CBX2: variants seen among roughly 807,000 people sequenced by gnomAD.
CBX2 encodes the protein chromobox 2.
Under a neutral mutation model 21.0 loss-of-function variants are expected in CBX2, and 11 were observed. That is an observed-to-expected ratio of 0.52 (90% CI 0.33 to 0.87). The LOEUF (loss-of-function observed/expected upper bound fraction) is 0.87, where lower values mean the gene tolerates loss of function less well. Among genes scored for constraint, CBX2 ranks in the 40% least tolerant of loss-of-function variants. The pLI, the probability that CBX2 is intolerant of heterozygous loss-of-function variation, is 0.02. For synonymous variants in CBX2, 364 were observed against 304.6 expected, an observed-to-expected ratio of 1.19 and a Z score of -2.03; for missense variants, 746 against 724.3, an observed-to-expected ratio of 1.03 and a Z score of -0.34.
At position 79,784,752 on chromosome 17, in the gene CBX2, C is replaced by T. The variant is rs1255121769; in HGVS notation, c.1309C>T (p.Pro437Ser). 6.2e-7 allele frequency: 1 copy of T among 1,611,078 alleles called. No individual in the cohort carries two copies. The highest frequency in any genetic ancestry group is 1.1e-5 in the South Asian group (1 of 90,810). The change falls in exon 5 of 5, where the codon CCC becomes TCC. Residue 437 changes from proline (P) to serine (S), a missense_variant. Pro to Ser is a moderately conservative substitution (Grantham distance 74). Coordinates refer to ENST00000310942, the MANE Select transcript of CBX2 (RefSeq NM_005189.3). The surrounding 1 kb of genome is among the most constrained non-coding windows in gnomAD (Gnocchi z 5.9). ...GGACTGTGTCAAGGGCAGTGCTACC[C>T]CCAGTGGGCAGGAGAGCCGCACAGC... ...KRDCVKGSAT[P>S]SGQESRTAPG...
chr17:79,784,433 C>A lies in CBX2; in HGVS notation c.990C>A (p.Thr330=). The A allele has an allele frequency of 6.2e-7, 1 of 1,612,046 alleles. No homozygotes were observed. Among genetic ancestry groups the A allele is most frequent in the Non-Finnish European group, 8.5e-7 (1 of 1,179,592 alleles). Residue 330 remains threonine (T), a synonymous_variant, in exon 5 of 5, where the codon ACC becomes ACA. Coordinates refer to ENST00000310942, the MANE Select transcript of CBX2 (RefSeq NM_005189.3). The surrounding 1 kb of genome is among the most constrained non-coding windows in gnomAD (Gnocchi z 5.9). The part of the protein sequence containing the change: ...KVGNTGGPPH[T]HGASRVPAGC... Reference sequence around the variant, plus strand: ...GGAACACAGGGGGCCCCCCGCACACCCATGGTGCCAGCAGGGTGCCTGCTG... The same window carrying A: ...GGAACACAGGGGGCCCCCCGCACACACATGGTGCCAGCAGGGTGCCTGCTG...
rs781967376 is a variant in CBX2, at chr17:79,784,468, G to A, written c.1025G>A (p.Gly342Asp). 1.9e-6 allele frequency: 3 copies of A among 1,612,320 alleles called. No individual in the cohort carries two copies. The highest frequency in any genetic ancestry group is 1.1e-5 in the South Asian group (1 of 91,054). ...AGCAGGGTGCCTGCTGGGTGCCCAG[G>A]CCCCCAGCCAGCACCCACCCAGGAG... ...GASRVPAGCP[G>D]PQPAPTQELS... The change falls in exon 5 of 5, where the codon GGC (glycine) becomes GAC (aspartate). Residue 342 changes from glycine to aspartate, a missense_variant. This residue lies in a region of CBX2 where 701 missense variants were observed against 650.7 expected (regional missense o/e 1.08). Coordinates refer to ENST00000310942, the MANE Select transcript of CBX2 (RefSeq NM_005189.3). The surrounding 1 kb of genome is among the most constrained non-coding windows in gnomAD (Gnocchi z 5.9).
At chr17:79,779,579 T>A in intron 3 of CBX2, 152 bp downstream of exon 3, 1 of 702,638 alleles carries the variant, frequency 1.4e-6, no homozygotes, top group Non-Finnish European at 2.5e-6. Context: ...TCTCTGTGGC[T>A]GGCTGTAAAA....
chr17:79,778,400 TG>T lies in CBX2; in HGVS notation c.91del (p.Val31SerfsTer98). On this transcript the variant is annotated frameshift_variant, in exon 2 of 5. Coordinates refer to ENST00000310942, the MANE Select transcript of CBX2 (RefSeq NM_005189.3). LOFTEE classifies it high-confidence loss of function. This position sits in a 1 kb window ranked among gnomAD's most constrained non-coding sequence, Gnocchi z 4.8. Reference sequence around the variant, plus strand: ...TCCCCGCAGGGCAAGCTGGAGTACCTGGTCAAGTGGCGCGGCTGGTCCTCCA... The same window carrying T: ...TCCCCGCAGGGCAAGCTGGAGTACCTGTCAAGTGGCGCGGCTGGTCCTCCA... ...KRLRKGKLEYLVKWRGWSSKH... is the reference protein window; with the variant it reads ...KRLRKGKLEYXVKWRGWSSKH... 2 of 1,575,516 alleles carry T rather than the reference TG, an allele frequency of 1.3e-6. No individual in the cohort carries two copies. Among genetic ancestry groups the T allele is most frequent in the African/African-American group, 1.4e-5 (1 of 72,440 alleles).
chr17:79,779,187 G>A (rs922316970), intron 2 of CBX2, among the ~76,000 whole-genome samples, 175 bp from the exon 3 acceptor site: 1 of 152,314 alleles, frequency 6.6e-6, no homozygotes, highest in African/African-American at 2.4e-5. Flanking sequence ...CTGGCTTGGT[G>A]GGGGGTGGCC....
intron 3 of CBX2, among the ~76,000 whole-genome samples, 167 bp from the exon 4 acceptor site, chr17:79,781,529 A>G (rs1246298408): frequency 2.6e-5 from 4 of 152,142 alleles, no homozygotes; most frequent in Non-Finnish European, 4.4e-5. Context: ...CCCTAGTGCA[A>G]AGAATGGGGT....
At chr17:79,780,819 G>A (rs1171170138) in intron 3 of CBX2, among the ~76,000 whole-genome samples, 2 of 152,178 alleles carry the variant, frequency 1.3e-5, no homozygotes, top group African/African-American at 2.4e-5. Flanking sequence ...CAGCGGAGGA[G>A]ATCCATGCAA....
At chr17:79,781,920 T>G (rs782152284) in intron 4 of CBX2, 119 bp downstream of exon 4, 4 of 1,614,032 alleles carry the variant, frequency 2.5e-6, no homozygotes, top group Non-Finnish European at 3.4e-6. Context: ...CAACAGTCTG[T>G]CCCTCTACTC....
rs1235261267 is a variant in CBX2, at chr17:79,784,876, G to A, written c.1433G>A (p.Ser478Asn). 2 of 1,613,250 alleles carry A rather than the reference G, an allele frequency of 1.2e-6. No individual in the cohort carries two copies. Among genetic ancestry groups the A allele is most frequent in the Non-Finnish European group, 1.7e-6 (2 of 1,180,040 alleles). ...GACCCCGACTCCGCCTCGCCGCCCA[G>A]CACTGGACAGAACCCGTCAGTGTCC... ...DSDPDSASPP[S>N]TGQNPSVSVQ... Residue 478 changes from serine (S) to asparagine (N), a missense_variant, in exon 5 of 5, where the codon AGC becomes AAC. Physicochemically the swap from Ser to Asn is conservative, Grantham distance 46 (BLOSUM62 1). Coordinates refer to ENST00000310942, the MANE Select transcript of CBX2 (RefSeq NM_005189.3). This position sits in a 1 kb window ranked among gnomAD's most constrained non-coding sequence, Gnocchi z 5.9.
At chr17:79,781,497 A>C (rs1907196935) in intron 3 of CBX2, among the ~76,000 whole-genome samples, 199 bp from the exon 4 acceptor site, 1 of 152,132 alleles carries the variant, frequency 6.6e-6, no homozygotes, top group African/African-American at 2.4e-5. Flanking sequence ...TAGCCAAATG[A>C]AATGGGATGG....
At chr17:79,777,969 C>T (rs1382386057), upstream of CBX2, among the ~76,000 whole-genome samples, 2 of 144,736 alleles carry the variant, frequency 1.4e-5, no homozygotes, top group South Asian at 2.1e-4. Context: ...GACCCCCCGC[C>T]GGAGCGCGAG....
rs574792848 is a variant in CBX2, at chr17:79,778,739, TC to T, written c.116+313del. Among the ~76,000 whole-genome samples the T allele has an allele frequency of 3.3e-5, 5 of 151,430 alleles. No homozygotes were observed. In the South Asian group the frequency reaches 1.0e-3, roughly 32 times the overall value. ...AGGCGCGGGATGCAAGCCCCCCTCC[TC>T]TTGGCCAGATTCTCCCCGCTGTAAC... On this transcript the variant is annotated intron_variant, in intron 2 of 4. Transcript: ENST00000310942. The surrounding 1 kb of genome is among the most constrained non-coding windows in gnomAD (Gnocchi z 4.8).
At chr17:79,779,467 G>A (rs1346299614) in intron 3 of CBX2, 40 bp downstream of exon 3, 1 of 1,585,680 alleles carries the variant, frequency 6.3e-7, no homozygotes, top group Non-Finnish European at 8.6e-7. Context: ...GTGGGGGAGG[G>A]ACGGTGGCTG....
rs562654056 is a variant in CBX2 at position 79,784,179 on chromosome 17, G to A, written c.736G>A (p.Gly246Ser). The A allele has an allele frequency of 3.0e-5, 49 of 1,612,828 alleles. No homozygotes were observed. Among genetic ancestry groups the A allele is most frequent in the South Asian group, 1.4e-4 (13 of 91,086 alleles). ...AATGAAGGGCATGGCCAGTAGCCCC[G>A]GCCGGGGTGGCATCAGCTGGCAGAG... ...SLMKGMASSP[G>S]RGGISWQSSI... is the part of the protein sequence containing the mutation. The change falls in exon 5 of 5, where the codon GGC (glycine) becomes AGC (serine). Residue 246 changes from glycine (G) to serine (S), a missense_variant. Gly to Ser is a moderately conservative substitution (Grantham distance 56). Around this residue, in one of 2 missense-constraint regions of CBX2, gnomAD observed 701 missense variants for 650.7 expected, o/e 1.08. Coordinates refer to ENST00000310942, the MANE Select transcript of CBX2 (RefSeq NM_005189.3). This position sits in a 1 kb window ranked among gnomAD's most constrained non-coding sequence, Gnocchi z 5.9.
chr17:79,784,317 G>A lies in CBX2; in HGVS notation c.874G>A (p.Val292Met). ...GTGCGGCCTCGGGCTGGACCTGAAG[G>A]TGAGGACGCAGAAAGGGGAGCTGGG... Reference protein sequence around the residue: ...NKCGLGLDLKVRTQKGELGMS... With the variant: ...NKCGLGLDLKMRTQKGELGMS... The change falls in exon 5 of 5, where the codon GTG (valine) becomes ATG (methionine). Residue 292 changes from valine to methionine, a missense_variant. Val to Met is a conservative substitution (Grantham distance 21, BLOSUM62 1). Coordinates refer to ENST00000310942, the MANE Select transcript of CBX2 (RefSeq NM_005189.3). This position sits in a 1 kb window ranked among gnomAD's most constrained non-coding sequence, Gnocchi z 5.9. 6.2e-7 allele frequency: 1 copy of A among 1,613,298 alleles called. No individual in the cohort carries two copies. Among genetic ancestry groups the A allele is most frequent in the Non-Finnish European group, 8.5e-7 (1 of 1,179,968 alleles).
chr17:79,780,768 G>A (rs1052003252), intron 3 of CBX2, among the ~76,000 whole-genome samples: 20 of 152,156 alleles, frequency 1.3e-4, no homozygotes, highest in African/African-American at 4.6e-4. Context: ...GGCCCTTGGC[G>A]ACGCACAGGA....
chr17:79,785,258 C>T lies in CBX2; in HGVS notation c.*216C>T, dbSNP rs1907555946. On this transcript the variant is annotated 3_prime_UTR_variant, in exon 5 of 5. Coordinates refer to ENST00000310942, the MANE Select transcript of CBX2 (RefSeq NM_005189.3). ...GGCCTCACTGCCTTGTTGGTCTCCA[C>T]CTTGTTCCTACCTCTGCAGGCCTCT... 1 of 604,142 alleles carries T rather than the reference C, an allele frequency of 1.7e-6. No homozygotes were observed. The highest frequency in any genetic ancestry group is 2.0e-5 in the South Asian group (1 of 51,144). 37.4% of individuals were successfully genotyped at this position (604,142 alleles called of 1,614,324 possible).
At chr17:79,783,648 G>A in intron 4 of CBX2, 84 bp from the exon 5 acceptor site, 1 of 1,199,078 alleles carries the variant, frequency 8.3e-7, no homozygotes, top group Admixed American at 2.0e-5. Context: ...GACCTCAGGT[G>A]ATCCACCCGC....
At position 79,778,579 on chromosome 17, in the gene CBX2, G is replaced by T. The variant is rs1328050925; in HGVS notation, c.116+152G>T. On this transcript the variant is annotated intron_variant, in intron 2 of 4. Coordinates refer to ENST00000310942, the MANE Select transcript of CBX2 (RefSeq NM_005189.3). The surrounding 1 kb of genome is among the most constrained non-coding windows in gnomAD (Gnocchi z 4.8). ...CCCCGCGGGCTCCTCCGGCTCTGAGGGGGGCGGGGGCCGCCCGGCCCGAGG... is the reference window on the plus strand; with the variant it reads ...CCCCGCGGGCTCCTCCGGCTCTGAGTGGGGCGGGGGCCGCCCGGCCCGAGG... 4.5e-6 allele frequency: 2 copies of T among 441,244 alleles called. No individual in the cohort carries two copies. Among genetic ancestry groups the T allele is most frequent in the Non-Finnish European group, 7.7e-6 (2 of 261,060 alleles). The allele number at this position is 441,244 out of a possible 1,614,324, so 27.3% of individuals were successfully genotyped here.
Sources: allele counts gnomAD v4.1 joint callset (sites outside exome capture counted in the v4.1 genomes callset), GRCh38; gene constraint gnomAD v4.1.1; regional missense constraint gnomAD v4.1.1; non-coding constraint Gnocchi (gnomAD v3.1); transcripts MANE v1.5; gene names NCBI Gene and HGNC (gene_info 2026-07-23, HGNC 2026-07-21).